The following MRAS variants were observed in gnomAD, a reference collection of about 807,000 sequenced individuals.
MRAS encodes the protein ras-related protein M-Ras.
In MRAS, 4 loss-of-function variants were observed where a neutral mutation model predicts 20.9. The observed-to-expected ratio is 0.19, with a 90% CI of 0.09 to 0.44. The LOEUF (loss-of-function observed/expected upper bound fraction) is 0.44. Among genes scored for constraint, MRAS ranks in the 20% least tolerant of loss-of-function variants. The pLI is 0.99. For synonymous variants in MRAS, 98 were observed against 102.9 expected (o/e 0.95, Z 0.29); for missense variants, 154 against 277.5 (o/e 0.56, Z 3.16).
intron 4 of MRAS, among the ~76,000 whole-genome samples, chr3:138,399,481 C>T (rs1403160796): frequency 6.6e-6 from 1 of 152,164 alleles, no homozygotes; most frequent in Non-Finnish European, 1.5e-5. Context: ...AAGATACTGA[C>T]TGGTTTGTGT....
rs144360493 is a variant in MRAS at position 138,370,336 on chromosome 3, C to T, written c.-18-2530C>T. 2.7e-3 allele frequency among the ~76,000 whole-genome samples: 412 copies of T among 152,270 alleles called. 2 individuals are homozygous for T. The highest frequency in any genetic ancestry group is 8.2e-3 in the African/African-American group (340 of 41,550). On this transcript the variant is annotated intron_variant, in intron 1 of 5. Transcript: ENST00000423968. The stretch of plus-strand genomic sequence containing the variant: ...AAAAACAAAACAAAAAGCCAAACAC[C>T]AGCAAACACCTTTCACCCATAGCCC...
intron 4 of MRAS, among the ~76,000 whole-genome samples, chr3:138,399,634 T>C (rs1180773877): frequency 6.6e-6 from 1 of 152,262 alleles, no homozygotes; most frequent in Non-Finnish European, 1.5e-5. Flanking sequence ...ATTAATTTTG[T>C]AATCAGAAAA....
At position 138,363,361 on chromosome 3, in the gene MRAS, G is replaced by A. The variant is rs914202245; in HGVS notation, c.-18-9505G>A. The stretch of plus-strand genomic sequence containing the variant: ...CAGGCATGAGCCACCATGCCTGACC[G>A]TCCTTACTGTTTACGTGGCTAATAT... On this transcript the variant is annotated intron_variant, in intron 1 of 5. Transcript: ENST00000423968. Among the ~76,000 whole-genome samples, 14 of 152,054 alleles carry A rather than the reference G, an allele frequency of 9.2e-5. 1 individual carries two copies. The highest frequency in any genetic ancestry group is 6.5e-5 in the Admixed American group (1 of 15,268).
At chr3:138,376,056 A>G (rs181877) in intron 2 of MRAS, among the ~76,000 whole-genome samples, 22,727 of 152,158 alleles carry the variant, frequency 0.15, 2,390 homozygotes, top group African/African-American at 0.29. Context: ...ATACTTTTAA[A>G]GTATTAATAT....
At chr3:138,385,586 G>A (rs2054995205) in intron 2 of MRAS, among the ~76,000 whole-genome samples, 1 of 151,848 alleles carries the variant, frequency 6.6e-6, no homozygotes, top group South Asian at 2.1e-4. Context: ...CACAACCTTG[G>A]CTCACTGCAA....
chr3:138,354,622 C>T (rs963577311), intron 1 of MRAS, among the ~76,000 whole-genome samples: 3 of 152,240 alleles, frequency 2.0e-5, no homozygotes, highest in Admixed American at 2.0e-4. Context: ...TCTACCCTCA[C>T]AAACACCTGC....
intron 2 of MRAS, among the ~76,000 whole-genome samples, chr3:138,380,601 G>A (rs1394417304): frequency 2.6e-5 from 4 of 151,348 alleles, no homozygotes; most frequent in African/African-American, 7.3e-5. Flanking sequence ...GTGAGCCACC[G>A]CGCCCGGCTT....
intron 2 of MRAS, among the ~76,000 whole-genome samples, chr3:138,378,135 G>C (rs1476748320): frequency 6.6e-6 from 1 of 152,176 alleles, no homozygotes; most frequent in Non-Finnish European, 1.5e-5. Flanking sequence ...TACCTCTTCT[G>C]CCCTTCTTAC....
chr3:138,362,262 G>T (rs1292632678), intron 1 of MRAS, among the ~76,000 whole-genome samples: 1 of 152,200 alleles, frequency 6.6e-6, no homozygotes, highest in East Asian at 1.9e-4. Flanking sequence ...TTGGGGGTGA[G>T]TGGGGCAGTG....
At chr3:138,360,365 G>T (rs572110774) in intron 1 of MRAS, among the ~76,000 whole-genome samples, 1 of 152,214 alleles carries the variant, frequency 6.6e-6, no homozygotes, top group Non-Finnish European at 1.5e-5. Context: ...TGAACTGGCG[G>T]AACACCGTGA....
intron 2 of MRAS, among the ~76,000 whole-genome samples, chr3:138,393,535 A>G (rs1263793355): frequency 1.3e-5 from 2 of 152,046 alleles, no homozygotes; most frequent in Non-Finnish European, 2.9e-5. Context: ...TTTCCTTTCC[A>G]TAGGGTCCAT....
Position 138,373,056 on chromosome 3 carries a change from A to G in MRAS, c.173A>G (p.Asn58Ser). 6.7e-7 allele frequency: 1 copy of G among 1,500,460 alleles called. No individual in the cohort carries two copies. The allele number at this position is 1,500,460 out of a possible 1,614,324, so 92.9% of individuals were successfully genotyped here. ...TACCTGAAACATACGGAGATTGACA[A>G]TCAATGGGCCATCTTGGACGGTGAG... Reference protein sequence around the residue: ...DSYLKHTEIDNQWAILDVLDT... With the variant: ...DSYLKHTEIDSQWAILDVLDT... The change falls in exon 2 of 6, where the codon AAT becomes AGT. Residue 58 changes from asparagine to serine, a missense_variant. Physicochemically the swap from Asn to Ser is conservative, Grantham distance 46. Coordinates refer to ENST00000423968, the MANE Select transcript of MRAS (RefSeq NM_001085049.3).
At chr3:138,397,070 G>C (rs1381390239) in intron 2 of MRAS, among the ~76,000 whole-genome samples, 1 of 152,190 alleles carries the variant, frequency 6.6e-6, no homozygotes, top group Non-Finnish European at 1.5e-5. Flanking sequence ...TAAGCACATG[G>C]GGTGAAACTG....
At chr3:138,365,628 C>T (rs1053526608) in intron 1 of MRAS, among the ~76,000 whole-genome samples, 4 of 152,220 alleles carry the variant, frequency 2.6e-5, no homozygotes, top group African/African-American at 9.6e-5. Flanking sequence ...CTCCAGACAT[C>T]ACCAGGCAGG....
intron 2 of MRAS, among the ~76,000 whole-genome samples, chr3:138,378,522 T>A (rs144431493): frequency 3.0e-4 from 46 of 152,324 alleles, no homozygotes; most frequent in African/African-American, 1.0e-3. Context: ...GTCTGGTCCC[T>A]GCTTCTCCAC....
intron 4 of MRAS, 119 bp downstream of exon 4, chr3:138,398,687 T>C: frequency 3.5e-6 from 3 of 850,580 alleles, no homozygotes; most frequent in Non-Finnish European, 5.6e-6. Flanking sequence ...CTCCCCTTAG[T>C]TTAAGTCTTG....
intron 2 of MRAS, among the ~76,000 whole-genome samples, chr3:138,392,188 T>G (rs906298296): frequency 3.9e-5 from 6 of 152,174 alleles, no homozygotes; most frequent in African/African-American, 1.4e-4. Context: ...ATGTAAAGTT[T>G]GTTCTGTCTC....
chr3:138,396,772 C>G (rs913890686), intron 2 of MRAS, among the ~76,000 whole-genome samples: 1 of 152,120 alleles, frequency 6.6e-6, no homozygotes, highest in African/African-American at 2.4e-5. Flanking sequence ...GGTATCTGTC[C>G]CCTTGGGGGC....
At position 138,398,440 on chromosome 3, in the gene MRAS, C is replaced by T; in HGVS notation, c.348-29C>T. The stretch of plus-strand genomic sequence containing the variant: ...CAGGTGTGAGGGGTGGTGGAAACCT[C>T]ACAGAGCTGCTGTTCCTTTATTTCC... On this transcript the variant is annotated intron_variant, in intron 3 of 5. Transcript: ENST00000423968. 1.9e-6 allele frequency: 3 copies of T among 1,601,574 alleles called. No individual in the cohort carries two copies. In the South Asian group the frequency reaches 3.3e-5, roughly 18 times the overall value.
Sources: gnomAD v4.1 joint callset for allele counts (sites outside exome capture counted in the v4.1 genomes callset) on GRCh38, gnomAD v4.1.1 for gene constraint, MANE v1.5 for transcripts, NCBI Gene and HGNC (gene_info 2026-07-23, HGNC 2026-07-21) for gene names.